The following CADM2 variants were observed in gnomAD, a reference collection of about 807,000 sequenced individuals.
CADM2 encodes the protein immunoglobulin superfamily member 4D.
Under a neutral mutation model 49.8 loss-of-function variants are expected in CADM2, and 12 were observed. The ratio of observed to expected loss-of-function variants is 0.24; its 90% CI spans 0.15 to 0.39. The LOEUF (loss-of-function observed/expected upper bound fraction) is 0.39, where lower values mean the gene tolerates loss of function less well. Ranked by LOEUF, CADM2 falls within the 10% of genes least tolerant of loss-of-function variation. The pLI is 1.00. For missense variants in CADM2, 378 were observed against 492.3 expected (o/e 0.77, Z 2.20); for synonymous variants, 214 against 175.4 (o/e 1.22, Z -1.74).
chr3:85,567,659 C>T (rs1597315), intron 1 of CADM2, among the ~76,000 whole-genome samples: 77,418 of 151,290 alleles, frequency 0.51, 22,761 homozygotes, highest in East Asian at 0.85. Flanking sequence ...AGATAGTAGG[C>T]AAGTAGATAG....
intron 6 of CADM2, among the ~76,000 whole-genome samples, chr3:85,930,451 C>G (rs1720446624): frequency 6.6e-6 from 1 of 152,120 alleles, no homozygotes; most frequent in African/African-American, 2.4e-5. Context: ...GAGTTACAAA[C>G]AGTCCAATTA....
intron 1 of CADM2, among the ~76,000 whole-genome samples, chr3:85,373,881 C>T (rs959036139): frequency 6.6e-6 from 1 of 152,158 alleles, no homozygotes; most frequent in Non-Finnish European, 1.5e-5. Context: ...AGCAGCAATG[C>T]CCTGGGCCTG....
At chr3:85,808,867 A>C (rs547010780) in intron 3 of CADM2, among the ~76,000 whole-genome samples, 57 of 152,272 alleles carry the variant, frequency 3.7e-4, no homozygotes, top group African/African-American at 1.3e-3. Flanking sequence ...AACATGAGTA[A>C]ATTGTCCTAA....
intron 1 of CADM2, among the ~76,000 whole-genome samples, chr3:85,123,053 A>G (rs536644089): frequency 6.6e-6 from 1 of 152,204 alleles, no homozygotes; most frequent in Admixed American, 6.5e-5. Context: ...AAGATACATG[A>G]TATATTATCT....
intron 1 of CADM2, among the ~76,000 whole-genome samples, chr3:85,525,170 TA>T (rs1014132548): frequency 3.9e-5 from 6 of 152,114 alleles, no homozygotes; most frequent in African/African-American, 1.4e-4. Context: ...AATTAAAAAA[TA>T]AAACATAAAG....
intron 1 of CADM2, among the ~76,000 whole-genome samples, chr3:85,446,647 G>C (rs189765906): frequency 3.6e-5 from 5 of 138,082 alleles, no homozygotes; most frequent in Non-Finnish European, 6.1e-5. Context: ...TTGTTGCCCA[G>C]ACTGGAGTAC....
rs1367165945 is a variant in CADM2, at chr3:85,155,006, C to T, written c.61+195338C>T. 7.3e-5 allele frequency among the ~76,000 whole-genome samples: 11 copies of T among 151,576 alleles called. No individual in the cohort carries two copies. The East Asian group carries it at 1.4e-3, about 19-fold the overall frequency. On this transcript the variant is annotated intron_variant, in intron 1 of 9. Transcript: ENST00000383699. The stretch of plus-strand genomic sequence containing the variant: ...AATCATGCCAGAATGTAAAGACCAT[C>T]GAGACTAGGAAGAAACTGCATCAAC...
intron 1 of CADM2, among the ~76,000 whole-genome samples, chr3:85,687,043 A>T (rs1001352264): frequency 6.6e-6 from 1 of 152,102 alleles, no homozygotes; most frequent in African/African-American, 2.4e-5. Flanking sequence ...GGCAAAATAC[A>T]CTTTCTAAAT....
intron 1 of CADM2, among the ~76,000 whole-genome samples, chr3:85,295,159 C>A (rs1352328421): frequency 2.6e-5 from 4 of 152,082 alleles, no homozygotes; most frequent in South Asian, 2.1e-4. Context: ...TCAAAAGAAG[C>A]CATTTATGCA....
At chr3:85,103,152 T>G (rs2038073041) in intron 1 of CADM2, among the ~76,000 whole-genome samples, 1 of 152,166 alleles carries the variant, frequency 6.6e-6, no homozygotes, top group Non-Finnish European at 1.5e-5. Context: ...GAATAATTCT[T>G]AATTATCTGC....
intron 1 of CADM2, among the ~76,000 whole-genome samples, chr3:85,578,225 A>G (rs1011467190): frequency 7.2e-5 from 11 of 152,112 alleles, no homozygotes; most frequent in African/African-American, 2.7e-4. Context: ...GGAAGTCTGC[A>G]TTGTCAGATG....
intron 3 of CADM2, among the ~76,000 whole-genome samples, chr3:85,851,037 A>G (rs907889089): frequency 2.0e-5 from 3 of 152,148 alleles, no homozygotes; most frequent in Admixed American, 2.0e-4. Context: ...ATAAATTTAG[A>G]TACATGGCAC....
chr3:85,731,003 A>G (rs916769244), intron 2 of CADM2, among the ~76,000 whole-genome samples: 2 of 152,188 alleles, frequency 1.3e-5, no homozygotes, highest in African/African-American at 2.4e-5. Flanking sequence ...GCCCTTAGCT[A>G]TCTAAATTGA....
At chr3:85,578,062 GTTTATTTATT>G (rs908505066) in intron 1 of CADM2, among the ~76,000 whole-genome samples, 4 of 107,112 alleles carry the variant, frequency 3.7e-5, no homozygotes, top group Non-Finnish European at 5.5e-5. Flanking sequence ...ATTTTATGTT[GTTTATTTATT>G]TTTATTTATT....
chr3:85,775,706 T>C (rs571413664), intron 2 of CADM2, among the ~76,000 whole-genome samples: 1 of 151,958 alleles, frequency 6.6e-6, no homozygotes, highest in African/African-American at 2.4e-5. Flanking sequence ...TTACTAGAGG[T>C]TGATCTTCCA....
intron 1 of CADM2, among the ~76,000 whole-genome samples, chr3:85,446,603 TG>T (rs1006595853): frequency 3.5e-5 from 4 of 113,234 alleles, no homozygotes; most frequent in African/African-American, 1.0e-4. Context: ...TTTTGTTTTT[TG>T]TTTTTTTTTT....
chr3:86,049,620 C>T (rs911125155), intron 8 of CADM2, among the ~76,000 whole-genome samples: 8 of 151,936 alleles, frequency 5.3e-5, no homozygotes, highest in South Asian at 2.1e-4. Context: ...ATGGGCTGTA[C>T]GAGAAATGCG....
chr3:85,147,498 T>G (rs2039785300), intron 1 of CADM2, among the ~76,000 whole-genome samples: 1 of 152,178 alleles, frequency 6.6e-6, no homozygotes, highest in East Asian at 1.9e-4. Flanking sequence ...TGCAGAGTGT[T>G]AGGCATTATC....
intron 2 of CADM2, among the ~76,000 whole-genome samples, chr3:85,753,962 T>G (rs1230700383): frequency 6.6e-6 from 1 of 152,048 alleles, no homozygotes; most frequent in Non-Finnish European, 1.5e-5. Context: ...ACTTGGGGTT[T>G]TATAGGTTGG....
Sources: allele counts gnomAD v4.1 joint callset (sites outside exome capture counted in the v4.1 genomes callset), GRCh38; gene constraint gnomAD v4.1.1; transcripts MANE v1.5; gene names NCBI Gene and HGNC (gene_info 2026-07-23, HGNC 2026-07-21).